The following L3MBTL1 variants were observed in gnomAD, a reference collection of about 807,000 sequenced individuals.
L3MBTL1 encodes the protein lethal(3)malignant brain tumor-like protein 1.
Under a neutral mutation model 105.3 loss-of-function variants are expected in L3MBTL1, and 75 were observed. The ratio of observed to expected loss-of-function variants is 0.71; its 90% CI spans 0.59 to 0.86. The LOEUF is 0.86. Ranked by LOEUF, L3MBTL1 falls within the 40% of genes least tolerant of loss-of-function variation. The probability of loss-of-function intolerance (pLI) is 0.00; values close to 1 mark genes in which losing one functional copy is unlikely to be tolerated. For missense variants in L3MBTL1, 1,069 were observed against 1,126.4 expected (o/e 0.95, Z 0.73); for synonymous variants, 452 against 436.2 (o/e 1.04, Z -0.45).
intron 7 of L3MBTL1, 114 bp downstream of exon 7, chr20:43,516,291 G>A: frequency 1.3e-6 from 1 of 750,272 alleles, no homozygotes; most frequent in Non-Finnish European, 2.3e-6. Flanking sequence ...GCATAAATGA[G>A]CATGAGTTAG....
At chr20:43,519,972 G>A (rs543427978) in intron 7 of L3MBTL1, among the ~76,000 whole-genome samples, 88 of 152,246 alleles carry the variant, frequency 5.8e-4, no homozygotes, top group African/African-American at 1.9e-3. Context: ...TCCATTTGAA[G>A]TGTACAATTC....
In L3MBTL1 at chr20:43,515,029, C is replaced by A. The variant is rs1600895150; in HGVS notation, c.523C>A (p.Pro175Thr). The A allele has an allele frequency of 1.5e-5, 24 of 1,613,902 alleles. No homozygotes were observed. The East Asian group carries it at 5.3e-4, about 36-fold the overall frequency. The change falls in exon 5 of 22, where the codon CCA becomes ACA. Residue 175 changes from proline (P) to threonine (T), a missense_variant. Pro to Thr is a conservative substitution (Grantham distance 38). Coordinates refer to ENST00000418998, the MANE Select transcript of L3MBTL1 (RefSeq NM_001377303.1). ...CGCAGAGGACCACCCCCAGAATCCT[C>A]CAGAAGATCCCAATCAGGACCCCCC... The part of the protein sequence containing the change: ...QQAEDHPQNP[P>T]EDPNQDPPED...
At chr20:43,514,583 G>A (rs1490587838) in intron 3 of L3MBTL1, 52 bp from the exon 4 acceptor site, 2 of 1,599,172 alleles carry the variant, frequency 1.3e-6, no homozygotes, top group Non-Finnish European at 1.7e-6. Context: ...ACTCCGAGAT[G>A]GGTCAAGGAC....
At chr20:43,512,399 C>T (rs909482236) in intron 1 of L3MBTL1, among the ~76,000 whole-genome samples, 1 of 152,198 alleles carries the variant, frequency 6.6e-6, no homozygotes, top group Non-Finnish European at 1.5e-5. Context: ...TTGTCAGAGA[C>T]AGGGTCTCGC....
Position 43,534,590 on chromosome 20 carries a change from T to C in L3MBTL1, c.1710+196T>C, listed in dbSNP as rs2019509929. Reference sequence around the variant, plus strand: ...CCCTCTCTAAGCCTTACATCATCTGTAAAATGGGCCTAATAATCCTCGTCC... The same window carrying C: ...CCCTCTCTAAGCCTTACATCATCTGCAAAATGGGCCTAATAATCCTCGTCC... On this transcript the variant is annotated intron_variant, in intron 15 of 21. Transcript: ENST00000418998. 9.8e-6 allele frequency: 6 copies of C among 613,784 alleles called. No homozygotes were observed. In the East Asian group the frequency reaches 1.7e-4, roughly 17 times the overall value. The allele number at this position is 613,784 out of a possible 1,614,324, so 38.0% of individuals were successfully genotyped here.
intron 11 of L3MBTL1, 128 bp downstream of exon 11, chr20:43,531,017 A>G: frequency 4.0e-6 from 3 of 754,008 alleles, no homozygotes; most frequent in Middle Eastern, 2.5e-4. Flanking sequence ...CTGATCTCTC[A>G]TATCAGATGG....
chr20:43,541,485 G>A lies in L3MBTL1; in HGVS notation c.*357G>A, dbSNP rs2019913671. The stretch of plus-strand genomic sequence containing the variant: ...ACAGTCATGCATTGCTTAACGATGG[G>A]GATACATTCTTAGAAATGTGTCACT... On this transcript the variant is annotated 3_prime_UTR_variant, in exon 22 of 22. Coordinates refer to ENST00000418998, the MANE Select transcript of L3MBTL1 (RefSeq NM_001377303.1). 9.8e-6 allele frequency: 2 copies of A among 204,246 alleles called. No homozygotes were observed. The highest frequency in any genetic ancestry group is 5.2e-5 in the Admixed American group (1 of 19,126). The allele number at this position is 204,246 out of a possible 1,614,324, so 12.7% of individuals were successfully genotyped here.
intron 19 of L3MBTL1, 137 bp downstream of exon 19, chr20:43,536,595 T>A: frequency 1.0e-6 from 1 of 1,003,406 alleles, no homozygotes; most frequent in Non-Finnish European, 1.5e-6. Flanking sequence ...TTTGAGATAC[T>A]GAGAGCACAG....
intron 1 of L3MBTL1, among the ~76,000 whole-genome samples, chr20:43,510,119 TG>T (rs1248998609): frequency 2.0e-5 from 3 of 152,172 alleles, no homozygotes; most frequent in African/African-American, 7.2e-5. Flanking sequence ...CCTCCCAAAG[TG>T]TTGGGATTAC....
intron 17 of L3MBTL1, 77 bp downstream of exon 17, chr20:43,536,013 A>C: frequency 6.3e-7 from 1 of 1,592,564 alleles, no homozygotes; most frequent in Non-Finnish European, 8.6e-7. Flanking sequence ...GGTCCACCAA[A>C]ACACACTCCA....
At chr20:43,522,079 A>G (rs6030936) in intron 7 of L3MBTL1, among the ~76,000 whole-genome samples, 31,571 of 152,224 alleles carry the variant, frequency 0.21, 3,601 homozygotes, top group African/African-American at 0.29. Flanking sequence ...GAAAGAGGCC[A>G]GGTGCAGTGG....
At chr20:43,524,871 G>A (rs1464985173) in intron 7 of L3MBTL1, among the ~76,000 whole-genome samples, 1 of 152,184 alleles carries the variant, frequency 6.6e-6, no homozygotes. Context: ...GCTGTGTGTG[G>A]TGTGGAAAGG....
At chr20:43,545,547 C>T (rs143305372), downstream of L3MBTL1, among the ~76,000 whole-genome samples, 316 of 152,238 alleles carry the variant, frequency 2.1e-3, 1 homozygote, top group African/African-American at 7.1e-3. Context: ...CTCAGGCAAG[C>T]AGTATCTCCA....
chr20:43,524,257 AAT>A (rs747019574), intron 7 of L3MBTL1, among the ~76,000 whole-genome samples: 10 of 152,136 alleles, frequency 6.6e-5, no homozygotes, highest in Non-Finnish European at 1.2e-4. Flanking sequence ...CTCCTTTTCT[AAT>A]ATGTTTATTT....
chr20:43,518,123 G>A (rs966989316), intron 7 of L3MBTL1, among the ~76,000 whole-genome samples: 2 of 150,426 alleles, frequency 1.3e-5, no homozygotes, highest in Admixed American at 1.3e-4. Context: ...TCTCAACTGT[G>A]AATATTAGTG....
In L3MBTL1 at chr20:43,536,230, G is replaced by A; in HGVS notation, c.2059G>A (p.Ala687Thr). The stretch of plus-strand genomic sequence containing the variant: ...GAAAGCGGAGCTGTCTGACTCGGAG[G>A]CCTCAGCCCGCAAGAAGAACCTCTC... ...RLKAELSDSE[A>T]SARKKNLSGF... is the part of the protein sequence containing the mutation. Residue 687 changes from alanine (A) to threonine (T), a missense_variant, in exon 18 of 22, where the codon GCC becomes ACC. Coordinates refer to ENST00000418998, the MANE Select transcript of L3MBTL1 (RefSeq NM_001377303.1). 1 of 1,612,502 alleles carries A rather than the reference G, an allele frequency of 6.2e-7. No homozygotes were observed. Among genetic ancestry groups the A allele is most frequent in the Non-Finnish European group, 8.5e-7 (1 of 1,179,622 alleles).
At chr20:43,514,864 G>A in intron 4 of L3MBTL1, 88 bp downstream of exon 4, 1 of 1,455,470 alleles carries the variant, frequency 6.9e-7, no homozygotes, top group Non-Finnish European at 9.2e-7. Context: ...GCGGGGCCCG[G>A]GGTGGTCCTG....
At chr20:43,548,864 C>G (rs1293556620) in exon 19 of L3MBTL1, 1 of 152,284 alleles carries the variant, frequency 6.6e-6, no homozygotes, top group African/African-American at 2.4e-5. Flanking sequence ...TTGGAAGTCT[C>G]TAGCTGCCTT....
At chr20:43,514,824 G>A in intron 4 of L3MBTL1, 48 bp downstream of exon 4, 1 of 1,497,908 alleles carries the variant, frequency 6.7e-7, no homozygotes, top group Non-Finnish European at 8.9e-7. Flanking sequence ...GTGCGGGTGG[G>A]GCGAGGCCTG....
Sources: allele counts gnomAD v4.1 joint callset (sites outside exome capture counted in the v4.1 genomes callset), GRCh38; gene constraint gnomAD v4.1.1; transcripts MANE v1.5; gene names NCBI Gene and HGNC (gene_info 2026-07-23, HGNC 2026-07-21).